MTUS2: variants seen among roughly 807,000 people sequenced by gnomAD.
The protein encoded by MTUS2 is microtubule associated scaffold protein 2.
A neutral mutation model predicts 114.1 loss-of-function variants in MTUS2; 40 were observed. That is an observed-to-expected ratio of 0.35 (90% CI 0.27 to 0.46). The LOEUF is 0.46. Among genes scored for constraint, MTUS2 ranks in the 20% least tolerant of loss-of-function variants. The pLI, the probability that MTUS2 is intolerant of heterozygous loss-of-function variation, is 1.00. For missense variants in MTUS2, 1,679 were observed against 1,705.4 expected, an observed-to-expected ratio of 0.98 and a Z score of 0.27; for synonymous variants, 688 against 672.0, an observed-to-expected ratio of 1.02 and a Z score of -0.37.
At chr13:29,189,420 C>T (rs1343172045) in intron 5 of MTUS2, among the ~76,000 whole-genome samples, 2 of 151,994 alleles carry the variant, frequency 1.3e-5, no homozygotes, top group African/African-American at 4.8e-5. Context: ...AACAGCTCTT[C>T]GTGTTATCCT....
chr13:28,856,990 CT>C (rs1312756315), intron 2 of MTUS2, among the ~76,000 whole-genome samples: 7 of 152,172 alleles, frequency 4.6e-5, no homozygotes, highest in African/African-American at 1.7e-4. Context: ...GTCAAAACAT[CT>C]GAGCGGTTGC....
chr13:29,421,520 C>T (rs1876107581), intron 8 of MTUS2, among the ~76,000 whole-genome samples: 1 of 151,888 alleles, frequency 6.6e-6, no homozygotes, highest in Non-Finnish European at 1.5e-5. Context: ...ATGCCTCTGC[C>T]ACAGAGCCAC....
chr13:29,456,548 C>A (rs1363784318), intron 9 of MTUS2, among the ~76,000 whole-genome samples: 1 of 152,046 alleles, frequency 6.6e-6, no homozygotes, highest in Non-Finnish European at 1.5e-5. Context: ...AAAGCCACAC[C>A]GAAGCACACC....
At chr13:28,957,083 CA>C (rs1369460062) in intron 2 of MTUS2, among the ~76,000 whole-genome samples, 1 of 152,156 alleles carries the variant, frequency 6.6e-6, no homozygotes, top group Non-Finnish European at 1.5e-5. Context: ...TGCCTTTCCA[CA>C]TGTGCTAAAA....
chr13:29,491,969 T>A (rs1882158599), intron 11 of MTUS2, among the ~76,000 whole-genome samples: 1 of 144,122 alleles, frequency 6.9e-6, no homozygotes, highest in African/African-American at 2.6e-5. Flanking sequence ...GTGTATGTGA[T>A]GTGTGTGGTA....
rs560307137 is a variant in MTUS2, at chr13:29,045,461, A to G, written c.2446+11336A>G. Among the ~76,000 whole-genome samples, 112 of 152,294 alleles carry G rather than the reference A, an allele frequency of 7.4e-4. No individual in the cohort carries two copies. The Middle Eastern group carries it at 0.017, about 23-fold the overall frequency. On this transcript the variant is annotated intron_variant, in intron 4 of 15. Coordinates refer to ENST00000612955, the MANE Select transcript of MTUS2 (RefSeq NM_001033602.4). Reference sequence around the variant, plus strand: ...AGGCCCCACTTACAGATGTCATCCCATTGGGAATTAGGGCTTCCATATATA... The same window carrying G: ...AGGCCCCACTTACAGATGTCATCCCGTTGGGAATTAGGGCTTCCATATATA...
At chr13:29,321,119 A>G (rs1040095141) in intron 6 of MTUS2, among the ~76,000 whole-genome samples, 2 of 151,976 alleles carry the variant, frequency 1.3e-5, no homozygotes, top group African/African-American at 4.9e-5. Flanking sequence ...ATCTGGGCCT[A>G]CCTGGATTGG....
At chr13:28,933,166 T>C (rs148363767) in intron 2 of MTUS2, among the ~76,000 whole-genome samples, 2 of 136,640 alleles carry the variant, frequency 1.5e-5, no homozygotes, top group African/African-American at 5.7e-5. Flanking sequence ...CACACACAGA[T>C]TGATTGATCT....
Position 29,375,999 on chromosome 13 carries a change from ATGTG to A in MTUS2, c.3117+16538_3117+16541del, listed in dbSNP as rs56731342. Among the ~76,000 whole-genome samples, 1,023 of 146,856 alleles carry A rather than the reference ATGTG, an allele frequency of 7.0e-3. 6 individuals are homozygous for A. The highest frequency in any genetic ancestry group is 0.01 in the Non-Finnish European group (702 of 67,266). On this transcript the variant is annotated intron_variant, in intron 8 of 15. Coordinates refer to ENST00000612955, the MANE Select transcript of MTUS2 (RefSeq NM_001033602.4). ...TACCCCACAAGCTATTTAAACATAT[ATGTG>A]TGTGTGTGTGTATGTATGTGTGTGT...
At chr13:29,494,170 A>T (rs1455695936) in intron 12 of MTUS2, among the ~76,000 whole-genome samples, 1 of 152,248 alleles carries the variant, frequency 6.6e-6, no homozygotes, top group Non-Finnish European at 1.5e-5. Context: ...GAACAGATTA[A>T]GGGAAATAAC....
At chr13:29,407,545 T>A (rs9578098) in intron 8 of MTUS2, among the ~76,000 whole-genome samples, 27,946 of 151,494 alleles carry the variant, frequency 0.18, 2,777 homozygotes, top group Middle Eastern at 0.25. Flanking sequence ...TGGCGCGATC[T>A]TGGCTCACTG....
intron 7 of MTUS2, among the ~76,000 whole-genome samples, chr13:29,336,857 A>G (rs917050052): frequency 1.2e-4 from 18 of 152,202 alleles, no homozygotes; most frequent in African/African-American, 4.3e-4. Flanking sequence ...GGAGGAATCT[A>G]GAGAGGCAGT....
chr13:29,033,450 T>C (rs1156720525), intron 3 of MTUS2, among the ~76,000 whole-genome samples: 2 of 152,222 alleles, frequency 1.3e-5, no homozygotes, highest in African/African-American at 4.8e-5. Flanking sequence ...GGACACAGTT[T>C]ACCTAGTGAG....
chr13:29,221,570 A>G (rs758611633), intron 5 of MTUS2, among the ~76,000 whole-genome samples: 2 of 151,990 alleles, frequency 1.3e-5, no homozygotes, highest in African/African-American at 2.4e-5. Context: ...TCTTTTTCCT[A>G]TTTTAGACTT....
intron 5 of MTUS2, among the ~76,000 whole-genome samples, chr13:29,217,761 A>ACTG (rs964081167): frequency 6.6e-6 from 1 of 152,186 alleles, no homozygotes; most frequent in Non-Finnish European, 1.5e-5. Flanking sequence ...GTCTTCTCAA[A>ACTG]CTGCTGCTGC....
intron 5 of MTUS2, among the ~76,000 whole-genome samples, chr13:29,123,056 A>G (rs1050140065): frequency 1.8e-4 from 28 of 152,342 alleles, no homozygotes; most frequent in Admixed American, 1.6e-3. Flanking sequence ...TTAAATTTCT[A>G]GCATGTTTCC....
Position 29,487,647 on chromosome 13 carries a change from C to T in MTUS2, c.3400-253C>T, listed in dbSNP as rs1178694869. 7.6e-6 allele frequency: 4 copies of T among 523,450 alleles called. No individual in the cohort carries two copies. The Admixed American group carries it at 1.3e-4, about 17-fold the overall frequency. The allele number at this position is 523,450 out of a possible 1,614,324, so 32.4% of individuals were successfully genotyped here. On this transcript the variant is annotated intron_variant, in intron 10 of 15. Coordinates refer to ENST00000612955, the MANE Select transcript of MTUS2 (RefSeq NM_001033602.4). Reference sequence around the variant, plus strand: ...GATGGTCCAGGAGCCACACTCAGGACTCTAAAGAGGTACCTCAGGCAGTGA... The same window carrying T: ...GATGGTCCAGGAGCCACACTCAGGATTCTAAAGAGGTACCTCAGGCAGTGA...
intron 4 of MTUS2, among the ~76,000 whole-genome samples, chr13:29,064,871 A>G (rs1429118397): frequency 6.6e-6 from 1 of 152,232 alleles, no homozygotes; most frequent in African/African-American, 2.4e-5. Context: ...AAGTGAGAAC[A>G]TGCAGTATTT....
At chr13:28,851,966 T>C (rs532294276) in intron 2 of MTUS2, among the ~76,000 whole-genome samples, 1 of 152,304 alleles carries the variant, frequency 6.6e-6, no homozygotes, top group East Asian at 1.9e-4. Flanking sequence ...AGCACTCTCA[T>C]GTTCACACTT....
Sources: gnomAD v4.1 joint callset for allele counts (sites outside exome capture counted in the v4.1 genomes callset) on GRCh38, gnomAD v4.1.1 for gene constraint, MANE v1.5 for transcripts, NCBI Gene and HGNC (gene_info 2026-07-23, HGNC 2026-07-21) for gene names.